The following TMEM244 variants were observed in gnomAD, a reference collection of about 807,000 sequenced individuals.
TMEM244 encodes the protein transmembrane protein 244, also known as putative transmembrane protein 244.
Under a neutral mutation model 15.8 loss-of-function variants are expected in TMEM244, and 13 were observed. The observed-to-expected ratio is 0.82, with a 90% confidence interval of 0.53 to 1.30. The LOEUF is 1.30. Ranked by LOEUF, TMEM244 falls within the 50% of genes most tolerant of loss-of-function variation. The pLI is 0.00. For missense variants in TMEM244, 161 were observed against 144.9 expected, an observed-to-expected ratio of 1.11 and a Z score of -0.57; for synonymous variants, 45 against 48.7, an observed-to-expected ratio of 0.92 and a Z score of 0.32.
At chr6:129,832,894 G>A (rs975124422) in intron 4 of TMEM244, among the ~76,000 whole-genome samples, 5 of 152,044 alleles carry the variant, frequency 3.3e-5, no homozygotes, top group East Asian at 1.9e-4. Context: ...TGCATCCCCC[G>A]AGTCTTTGAC....
intron 1 of TMEM244, among the ~76,000 whole-genome samples, chr6:129,860,104 CGTGTGTGTGTGTGTGTGTGTGT>C (rs757397083): frequency 7.1e-6 from 1 of 140,708 alleles, no homozygotes; most frequent in African/African-American, 2.6e-5. Context: ...CTCTGCAATG[CGTGTGTGTGTGTGTGTGTGTGT>C]GTGTGTGTGT....
In TMEM244 at chr6:129,833,611, T is replaced by A. The variant is rs1237554190; in HGVS notation, c.194-26A>T. On this transcript the variant is annotated intron_variant, in intron 3 of 4. Transcript: ENST00000368143. ...CTGCAAATACAAGGAAGAATATAAT[T>A]ATTGAGGACTAGAGCAATGAACATT... 1.9e-6 allele frequency: 3 copies of A among 1,604,822 alleles called. No homozygotes were observed. The African/African-American group carries it at 4.0e-5, about 22-fold the overall frequency.
chr6:129,844,459 T>C (rs764888396), intron 2 of TMEM244, among the ~76,000 whole-genome samples: 2 of 152,158 alleles, frequency 1.3e-5, no homozygotes, highest in Non-Finnish European at 2.9e-5. Flanking sequence ...GGGCTCAAAT[T>C]TCCTACCTAT....
At chr6:129,845,555 G>C (rs998688922) in intron 2 of TMEM244, among the ~76,000 whole-genome samples, 1 of 152,144 alleles carries the variant, frequency 6.6e-6, no homozygotes, top group Non-Finnish European at 1.5e-5. Flanking sequence ...AAGGCAGGAG[G>C]ATCATTCAAG....
At chr6:129,855,162 G>A (rs989822108) in intron 1 of TMEM244, among the ~76,000 whole-genome samples, 1 of 152,146 alleles carries the variant, frequency 6.6e-6, no homozygotes, top group African/African-American at 2.4e-5. Context: ...ATGGGCAAGA[G>A]ACAAATTTCC....
chr6:129,834,230 G>A (rs1584179558), intron 3 of TMEM244, among the ~76,000 whole-genome samples: 1 of 152,162 alleles, frequency 6.6e-6, no homozygotes, highest in African/African-American at 2.4e-5. Flanking sequence ...TTACAGGTGA[G>A]AACCACAAAT....
intron 1 of TMEM244, among the ~76,000 whole-genome samples, chr6:129,847,775 C>CTTTTT (rs34238013): frequency 7.3e-6 from 1 of 137,494 alleles, no homozygotes; most frequent in Non-Finnish European, 1.6e-5. Flanking sequence ...TTTCTTTTTT[C>CTTTTT]TTTTTTTTTT....
intron 3 of TMEM244, among the ~76,000 whole-genome samples, chr6:129,836,535 C>T (rs1177388419): frequency 6.6e-6 from 1 of 152,162 alleles, no homozygotes; most frequent in East Asian, 1.9e-4. Context: ...CACAGCTCCT[C>T]GCCAGTGAGG....
At chr6:129,835,392 ATC>A (rs1327450485) in intron 3 of TMEM244, among the ~76,000 whole-genome samples, 1 of 143,868 alleles carries the variant, frequency 7.0e-6, no homozygotes, top group Non-Finnish European at 1.5e-5. Context: ...GACAGAGTGA[ATC>A]TCTGTCTCTT....
Position 129,856,126 on chromosome 6 carries a change from G to A in TMEM244, c.33+5030C>T, listed in dbSNP as rs73597686. Among the ~76,000 whole-genome samples the A allele has an allele frequency of 9.7e-3, 1,471 of 151,586 alleles. 21 individuals are homozygous for A. Among genetic ancestry groups the A allele is most frequent in the African/African-American group, 0.033 (1,376 of 41,344 alleles). On this transcript the variant is annotated intron_variant, in intron 1 of 4. Coordinates refer to ENST00000368143, the MANE Select transcript of TMEM244 (RefSeq NM_001010876.2). ...CTATGGTCTTTTTTATTTTCTGAGTGCCATAATTAATTAACATCATGATTC... is the reference window on the plus strand; with the variant it reads ...CTATGGTCTTTTTTATTTTCTGAGTACCATAATTAATTAACATCATGATTC...
At chr6:129,858,447 C>G (rs1325029513) in intron 1 of TMEM244, among the ~76,000 whole-genome samples, 2 of 152,172 alleles carry the variant, frequency 1.3e-5, no homozygotes, top group Non-Finnish European at 2.9e-5. Flanking sequence ...CTTCACTCTT[C>G]TTTACAGAGC....
intron 1 of TMEM244, 36 bp from the exon 2 acceptor site, chr6:129,845,888 G>T: frequency 1.4e-6 from 2 of 1,397,322 alleles, no homozygotes; most frequent in African/African-American, 2.9e-5. Flanking sequence ...CAAGAGCCTG[G>T]GATTTTTCAC....
intron 3 of TMEM244, among the ~76,000 whole-genome samples, chr6:129,841,832 T>C (rs1776495299): frequency 6.6e-6 from 1 of 152,166 alleles, no homozygotes; most frequent in Non-Finnish European, 1.5e-5. Context: ...TATTGAAACC[T>C]ACACAAAACC....
intron 2 of TMEM244, 104 bp from the exon 3 acceptor site, chr6:129,843,707 G>T: frequency 1.3e-6 from 1 of 772,836 alleles, no homozygotes; most frequent in South Asian, 2.1e-5. Context: ...TAAGCTATGC[G>T]ATTCACCCAC....
intron 1 of TMEM244, among the ~76,000 whole-genome samples, chr6:129,860,119 G>A (rs1313079901): frequency 2.8e-5 from 4 of 142,266 alleles, no homozygotes; most frequent in Non-Finnish European, 6.2e-5. Flanking sequence ...GTGTGTGTGT[G>A]TGTGTGTGTG....
At chr6:129,835,296 G>A (rs572454332) in intron 3 of TMEM244, among the ~76,000 whole-genome samples, 10 of 152,184 alleles carry the variant, frequency 6.6e-5, no homozygotes, top group African/African-American at 2.4e-4. Context: ...TACTCAGGAG[G>A]TGGAGATGGG....
intron 2 of TMEM244, among the ~76,000 whole-genome samples, chr6:129,844,798 C>T (rs1305758790): frequency 6.6e-6 from 1 of 151,664 alleles, no homozygotes; most frequent in Non-Finnish European, 1.5e-5. Context: ...GGCTTGCCTG[C>T]AAGCATGCTG....
At chr6:129,836,662 A>G (rs1776413011) in intron 3 of TMEM244, among the ~76,000 whole-genome samples, 1 of 152,184 alleles carries the variant, frequency 6.6e-6, no homozygotes, top group Non-Finnish European at 1.5e-5. Flanking sequence ...CATTGCAAGG[A>G]AGCTAAAAAC....
chr6:129,833,253 T>C (rs2114631624), intron 4 of TMEM244, among the ~76,000 whole-genome samples: 1 of 152,244 alleles, frequency 6.6e-6, no homozygotes, highest in East Asian at 1.9e-4. Flanking sequence ...AATAAAACGC[T>C]TTTAAAAAAG....
Sources: allele counts gnomAD v4.1 joint callset (sites outside exome capture counted in the v4.1 genomes callset), GRCh38; gene constraint gnomAD v4.1.1; transcripts MANE v1.5; gene names NCBI Gene and HGNC (gene_info 2026-07-23, HGNC 2026-07-21).